WWC2: variants seen among roughly 807,000 people sequenced by gnomAD.
WWC2 encodes WW and C2 domain containing 2, also known as protein WWC2.
A neutral mutation model predicts 138.5 loss-of-function variants in WWC2; 101 were observed. The observed-to-expected ratio is 0.73, with a 90% confidence interval of 0.62 to 0.86. The LOEUF is 0.86. Among genes scored for constraint, WWC2 ranks in the 40% least tolerant of loss-of-function variants. The pLI is 0.00. For missense variants in WWC2, 1,420 were observed against 1,419.4 expected (o/e 1.00, Z -0.01); for synonymous variants, 558 against 538.4 (o/e 1.04, Z -0.50).
At chr4:183,231,017 G>A (rs749635356) in intron 4 of WWC2, among the ~76,000 whole-genome samples, 83 of 152,040 alleles carry the variant, frequency 5.5e-4, no homozygotes, top group Non-Finnish European at 7.2e-4. Flanking sequence ...GATTAGCCTA[G>A]CACAACTTTG....
intron 6 of WWC2, among the ~76,000 whole-genome samples, chr4:183,248,474 C>A (rs966476959): frequency 6.6e-6 from 1 of 152,112 alleles, no homozygotes; most frequent in East Asian, 1.9e-4. Flanking sequence ...TAGGAAAATG[C>A]TGTTTTGAGA....
rs939433263 is a variant in WWC2 at position 183,253,737 on chromosome 4, TTCTA to T, written c.954-16_954-13del. 5 of 1,600,800 alleles carry T rather than the reference TTCTA, an allele frequency of 3.1e-6. No individual in the cohort carries two copies. Among genetic ancestry groups the T allele is most frequent in the East Asian group, 2.2e-5 (1 of 44,850 alleles). ...GGAGTTTTAAGTATGTGCATACCTC[TTCTA>T]TCTTTTTTTTTTTAGTATGGCCAAC... On this transcript the variant is annotated splice_polypyrimidine_tract_variant and intron_variant, in intron 8 of 22. Transcript: ENST00000403733.
chr4:183,179,996 A>ATTGTTTTGGGAATT (rs1734578866), intron 1 of WWC2, among the ~76,000 whole-genome samples: 1 of 152,214 alleles, frequency 6.6e-6, no homozygotes, highest in South Asian at 2.1e-4. Context: ...ATGTCACTAA[A>ATTGTTTTGGGAATT]TAGTGACAGC....
chr4:183,262,884 A>T (rs1737375872), intron 11 of WWC2, among the ~76,000 whole-genome samples: 1 of 152,152 alleles, frequency 6.6e-6, no homozygotes, highest in African/African-American at 2.4e-5. Flanking sequence ...GGGTAAGCAC[A>T]CTACCCAATC....
chr4:183,162,572 C>T (rs994931606), intron 1 of WWC2, among the ~76,000 whole-genome samples: 1 of 152,148 alleles, frequency 6.6e-6, no homozygotes, highest in Non-Finnish European at 1.5e-5. Flanking sequence ...TACTCTTTGG[C>T]ACCTTGTCCT....
chr4:183,169,733 G>A (rs1313125306), intron 1 of WWC2, among the ~76,000 whole-genome samples: 1 of 152,142 alleles, frequency 6.6e-6, no homozygotes, highest in Non-Finnish European at 1.5e-5. Context: ...GTTAAAGGAA[G>A]CAAGTAATTT....
intron 4 of WWC2, among the ~76,000 whole-genome samples, chr4:183,237,065 C>A (rs1040803400): frequency 2.0e-5 from 3 of 152,068 alleles, no homozygotes; most frequent in Non-Finnish European, 2.9e-5. Context: ...AGAAAAAAAG[C>A]AAAAATCCTC....
chr4:183,224,550 G>GTTT (rs151261713), intron 4 of WWC2, among the ~76,000 whole-genome samples: 1 of 151,812 alleles, frequency 6.6e-6, no homozygotes, highest in East Asian at 1.9e-4. Flanking sequence ...TTTTTGTTTA[G>GTTT]TTTTGTTTTT....
rs139226653 is a variant in WWC2 at position 183,226,317 on chromosome 4, C to G, written c.523-13866C>G. Among the ~76,000 whole-genome samples the G allele has an allele frequency of 4.4e-3, 662 of 152,054 alleles. 5 individuals are homozygous for G. Among genetic ancestry groups the G allele is most frequent in the African/African-American group, 0.015 (635 of 41,460 alleles). On this transcript the variant is annotated intron_variant, in intron 4 of 22. Coordinates refer to ENST00000403733, the MANE Select transcript of WWC2 (RefSeq NM_024949.6). Reference sequence around the variant, plus strand: ...TTTGCCATGTTGTCCAGGCTGGTCACAAACTCCAGGGCTCAAGCAATCCAC... The same window carrying G: ...TTTGCCATGTTGTCCAGGCTGGTCAGAAACTCCAGGGCTCAAGCAATCCAC...
At chr4:183,165,125 G>A (rs748118116) in intron 1 of WWC2, among the ~76,000 whole-genome samples, 2 of 152,080 alleles carry the variant, frequency 1.3e-5, no homozygotes, top group African/African-American at 2.4e-5. Context: ...ATGCCCATGG[G>A]AATTCAAATC....
chr4:183,175,403 A>G (rs1410665201), intron 1 of WWC2, among the ~76,000 whole-genome samples: 1 of 152,058 alleles, frequency 6.6e-6, no homozygotes, highest in Non-Finnish European at 1.5e-5. Flanking sequence ...CTGGGACCAC[A>G]GGCACACGCC....
chr4:183,170,923 T>C (rs922548491), intron 1 of WWC2, among the ~76,000 whole-genome samples: 2 of 152,124 alleles, frequency 1.3e-5, no homozygotes, highest in African/African-American at 2.4e-5. Context: ...CAAGTGATCC[T>C]CCTGCCTCAG....
rs531290765 is a variant in WWC2, at chr4:183,176,417, T to A, written c.132-17182T>A. Among the ~76,000 whole-genome samples, 16 of 152,278 alleles carry A rather than the reference T, an allele frequency of 1.1e-4. 1 individual carries two copies. The highest frequency in any genetic ancestry group is 2.9e-4 in the African/African-American group (12 of 41,566). On this transcript the variant is annotated intron_variant, in intron 1 of 22. Coordinates refer to ENST00000403733, the MANE Select transcript of WWC2 (RefSeq NM_024949.6). ...TCAGGGCCAGAATAAGGAGATTTTT[T>A]ATTTTTTATTTATTTATTTTTTTGA...
At chr4:183,127,537 G>A (rs1384626183) in intron 1 of WWC2, among the ~76,000 whole-genome samples, 2 of 152,186 alleles carry the variant, frequency 1.3e-5, no homozygotes, top group African/African-American at 4.8e-5. Context: ...GTAGCAGATA[G>A]GGAGGATGAG....
chr4:183,239,632 T>C (rs884387), intron 4 of WWC2, among the ~76,000 whole-genome samples: 8,019 of 152,230 alleles, frequency 0.053, 699 homozygotes, highest in African/African-American at 0.18. Flanking sequence ...CACGGAGAAT[T>C]TCAGCTCCTG....
intron 9 of WWC2, among the ~76,000 whole-genome samples, chr4:183,259,025 G>A (rs746271681): frequency 6.6e-6 from 1 of 152,228 alleles, no homozygotes; most frequent in Non-Finnish European, 1.5e-5. Flanking sequence ...ATAGTCCGAC[G>A]CGGATGATGA....
At chr4:183,200,038 G>A (rs1466888975) in intron 2 of WWC2, among the ~76,000 whole-genome samples, 2 of 152,170 alleles carry the variant, frequency 1.3e-5, no homozygotes, top group Non-Finnish European at 2.9e-5. Flanking sequence ...GCCTTCTAAG[G>A]TGGCTTTGGG....
At chr4:183,108,380 C>T (rs1732112866) in intron 1 of WWC2, among the ~76,000 whole-genome samples, 1 of 152,028 alleles carries the variant, frequency 6.6e-6, no homozygotes, top group African/African-American at 2.4e-5. Flanking sequence ...TTGAGAAAAA[C>T]ACCTACTGGA....
chr4:183,284,133 T>C (rs1738166809), intron 18 of WWC2, 93 bp from the exon 19 acceptor site: 3 of 1,491,040 alleles, frequency 2.0e-6, no homozygotes, highest in Non-Finnish European at 2.7e-6. Context: ...TGAGTCTCTG[T>C]TGTAACATTA....
Sources: gnomAD v4.1 joint callset for allele counts (sites outside exome capture counted in the v4.1 genomes callset) on GRCh38, gnomAD v4.1.1 for gene constraint, MANE v1.5 for transcripts, NCBI Gene and HGNC (gene_info 2026-07-23, HGNC 2026-07-21) for gene names.